INPP4B: variants seen among roughly 807,000 people sequenced by gnomAD.
INPP4B encodes inositol polyphosphate-4-phosphatase type II B.
INPP4B carries 55 observed loss-of-function variants against 122.5 expected under a neutral mutation model. That is an observed-to-expected ratio of 0.45 (90% CI 0.36 to 0.56). The LOEUF is 0.56. INPP4B is among the 20% of genes least tolerant of loss of function. INPP4B has a pLI of 0.00. For missense variants in INPP4B, 1,000 were observed against 1,097.7 expected (o/e 0.91, Z 1.26); for synonymous variants, 403 against 388.7 (o/e 1.04, Z -0.43).
chr4:142,247,519 G>A (rs1038696673), intron 11 of INPP4B, among the ~76,000 whole-genome samples: 4 of 152,056 alleles, frequency 2.6e-5, no homozygotes, highest in Non-Finnish European at 5.9e-5. Context: ...TTTAGTCTTG[G>A]GAGGGTGTAT....
intron 16 of INPP4B, among the ~76,000 whole-genome samples, chr4:142,173,191 C>T (rs1204454674): frequency 2.0e-5 from 3 of 151,876 alleles, no homozygotes; most frequent in Non-Finnish European, 4.4e-5. Flanking sequence ...GAGGAAGTAC[C>T]CCACACAGAC....
chr4:142,029,417 C>T (rs954751398), intron 25 of INPP4B: 45 of 901,768 alleles, frequency 5.0e-5, no homozygotes, highest in Non-Finnish European at 6.0e-5. Flanking sequence ...GCTTTCTGAA[C>T]AGCCTGGGCC....
At chr4:142,440,113 AT>A (rs1168173550) in intron 3 of INPP4B, among the ~76,000 whole-genome samples, 1 of 152,264 alleles carries the variant, frequency 6.6e-6, no homozygotes, top group East Asian at 1.9e-4. Flanking sequence ...AGATAAATCT[AT>A]TCATCCATTT....
chr4:142,513,434 T>A (rs1825001449), intron 2 of INPP4B, among the ~76,000 whole-genome samples: 1 of 151,498 alleles, frequency 6.6e-6, no homozygotes, highest in Admixed American at 6.6e-5. Context: ...TGAGACGAAC[T>A]CTCCCTCTTG....
chr4:142,571,205 T>TCTCTTCTCTTCTCTTCTCTTCTC (rs1440884124), intron 2 of INPP4B, among the ~76,000 whole-genome samples: 25 of 152,122 alleles, frequency 1.6e-4, no homozygotes, highest in African/African-American at 6.0e-4. Context: ...TGCCTTTATT[T>TCTCTTCTCTTCTCTTCTCTTCTC]TTCTCTTCTC....
intron 1 of INPP4B, among the ~76,000 whole-genome samples, chr4:142,772,450 G>C (rs1388799582): frequency 6.6e-6 from 1 of 152,124 alleles, no homozygotes; most frequent in South Asian, 2.1e-4. Flanking sequence ...TGAACAATCT[G>C]TTTCTCCCAG....
intron 1 of INPP4B, chr4:142,765,924 A>G (rs1318906886): frequency 1.3e-5 from 2 of 151,922 alleles, no homozygotes; most frequent in African/African-American, 2.4e-5. Context: ...ATTTTTTTCA[A>G]TAAATATATT....
intron 7 of INPP4B, among the ~76,000 whole-genome samples, chr4:142,386,395 C>A (rs748902217): frequency 3.3e-5 from 5 of 152,242 alleles, no homozygotes; most frequent in African/African-American, 1.2e-4. Context: ...TTTCTTTGTA[C>A]ATATATTATT....
intron 1 of INPP4B, among the ~76,000 whole-genome samples, chr4:142,801,042 G>T (rs76790660): frequency 2.2e-4 from 33 of 152,166 alleles, no homozygotes; most frequent in Non-Finnish European, 3.7e-4. Flanking sequence ...AAGATGGAAA[G>T]GCTGACCAGA....
intron 7 of INPP4B, among the ~76,000 whole-genome samples, chr4:142,393,982 T>C (rs1419020748): frequency 6.6e-6 from 1 of 152,250 alleles, no homozygotes; most frequent in Non-Finnish European, 1.5e-5. Context: ...GGCTGAAGTT[T>C]TTCCTTTAAC....
At chr4:142,204,526 C>T (rs1841906644) in intron 14 of INPP4B, among the ~76,000 whole-genome samples, 1 of 151,810 alleles carries the variant, frequency 6.6e-6, no homozygotes, top group Admixed American at 6.6e-5. Flanking sequence ...CTTTCTAAAT[C>T]CTGTTGTGGG....
chr4:142,480,964 G>A (rs774299380), intron 2 of INPP4B, among the ~76,000 whole-genome samples: 3 of 151,510 alleles, frequency 2.0e-5, no homozygotes, highest in South Asian at 2.1e-4. Context: ...GTGAAACCCC[G>A]TCTCTACTAA....
intron 2 of INPP4B, among the ~76,000 whole-genome samples, chr4:142,677,896 C>G (rs367769251): frequency 6.6e-6 from 1 of 151,670 alleles, no homozygotes; most frequent in Non-Finnish European, 1.5e-5. Context: ...GTGTAGATGA[C>G]GGGTTGATGG....
At chr4:142,281,883 T>A (rs1407133468) in intron 9 of INPP4B, among the ~76,000 whole-genome samples, 6 of 152,214 alleles carry the variant, frequency 3.9e-5, no homozygotes, top group South Asian at 4.1e-4. Flanking sequence ...AAAATCATTT[T>A]AAAATACATA....
chr4:142,334,949 TA>T (rs1385756401), intron 7 of INPP4B, among the ~76,000 whole-genome samples: 1 of 151,994 alleles, frequency 6.6e-6, no homozygotes, highest in Non-Finnish European at 1.5e-5. Flanking sequence ...GAGCTACTTT[TA>T]AATAGTGAAA....
At chr4:142,048,383 C>T (rs1752690871) in intron 25 of INPP4B, among the ~76,000 whole-genome samples, 1 of 152,040 alleles carries the variant, frequency 6.6e-6, no homozygotes, top group Non-Finnish European at 1.5e-5. Context: ...AATATATGTT[C>T]TGAACCTAAA....
intron 7 of INPP4B, among the ~76,000 whole-genome samples, chr4:142,389,456 G>A (rs960004037): frequency 3.3e-5 from 5 of 152,090 alleles, no homozygotes; most frequent in South Asian, 2.1e-4. Context: ...TTTAGTTTAC[G>A]TGACTTTTAA....
chr4:142,786,944 G>A (rs906211501), intron 1 of INPP4B, among the ~76,000 whole-genome samples: 7 of 151,672 alleles, frequency 4.6e-5, no homozygotes, highest in East Asian at 3.9e-4. Context: ...ATAGAATCCC[G>A]GAAAATAAAC....
intron 2 of INPP4B, among the ~76,000 whole-genome samples, chr4:142,705,863 C>T (rs1762411829): frequency 6.6e-6 from 1 of 152,216 alleles, no homozygotes; most frequent in African/African-American, 2.4e-5. Context: ...TCCAGGCTGC[C>T]AGCCTTACTC....
Sources: gnomAD v4.1 joint callset for allele counts (sites outside exome capture counted in the v4.1 genomes callset) on GRCh38, gnomAD v4.1.1 for gene constraint, MANE v1.5 for transcripts, NCBI Gene and HGNC (gene_info 2026-07-23, HGNC 2026-07-21) for gene names.